Variants in FREM2 observed in about 807,000 individuals in gnomAD.
FREM2 encodes the protein FRAS1 related extracellular matrix 2.
In FREM2, 119 loss-of-function variants were observed where a neutral mutation model predicts 219.9. The observed-to-expected ratio is 0.54, with a 90% CI of 0.47 to 0.63. The LOEUF (loss-of-function observed/expected upper bound fraction) is 0.63. Among genes scored for constraint, FREM2 ranks in the 30% least tolerant of loss-of-function variants. The probability of loss-of-function intolerance (pLI) is 0.00; values close to 1 mark genes in which losing one functional copy is unlikely to be tolerated. For synonymous variants in FREM2, 1,562 were observed against 1,522.8 expected, an observed-to-expected ratio of 1.03 and a Z score of -0.60; for missense variants, 4,030 against 3,993.6, an observed-to-expected ratio of 1.01 and a Z score of -0.25.
chr13:38,705,365 C>A (rs1036596153), intron 2 of FREM2, among the ~76,000 whole-genome samples: 2 of 152,094 alleles, frequency 1.3e-5, no homozygotes, highest in Admixed American at 6.6e-5. Context: ...ACTAGAGGGG[C>A]ATGGACTAGG....
chr13:38,738,996 A>G (rs1872120601), intron 2 of FREM2, among the ~76,000 whole-genome samples: 1 of 152,206 alleles, frequency 6.6e-6, no homozygotes, highest in Non-Finnish European at 1.5e-5. Context: ...TCCTGATTTC[A>G]AAATAGGCAT....
chr13:38,821,630 T>C (rs987087517), intron 6 of FREM2: 1 of 152,126 alleles, frequency 6.6e-6, no homozygotes, highest in African/African-American at 2.4e-5. Context: ...CACACATTTA[T>C]TCATTTAAAA....
At chr13:38,871,611 A>G (rs999843615) in intron 16 of FREM2, among the ~76,000 whole-genome samples, 1 of 152,214 alleles carries the variant, frequency 6.6e-6, no homozygotes, top group African/African-American at 2.4e-5. Context: ...TGTCCGAGCC[A>G]TTCAGGAGGT....
At chr13:38,742,947 A>C (rs909735507) in intron 2 of FREM2, among the ~76,000 whole-genome samples, 12 of 152,242 alleles carry the variant, frequency 7.9e-5, no homozygotes, top group African/African-American at 2.9e-4. Flanking sequence ...GGAATAGTTT[A>C]GGCATTGAAC....
rs779597581 is a variant in FREM2 at position 38,688,787 on chromosome 13, A to G, written c.1443A>G (p.Leu481=). 3 of 1,614,066 alleles carry G rather than the reference A, an allele frequency of 1.9e-6. No homozygotes were observed. The highest frequency in any genetic ancestry group is 2.5e-6 in the Non-Finnish European group (3 of 1,180,030). ...AGGATGACCTAGAAGCAGTGCGGCT[A>G]GAGGTGGTGGCTGGGCTCCGGCATG... ...SDEDDLEAVR[L]EVVAGLRHGH... is the part of the protein sequence containing the mutation. Residue 481 remains leucine (L), a synonymous_variant, in exon 1 of 24, where the codon CTA becomes CTG. Transcript: ENST00000280481.
chr13:38,758,230 C>G (rs1002009248), intron 2 of FREM2, among the ~76,000 whole-genome samples: 1 of 152,150 alleles, frequency 6.6e-6, no homozygotes, highest in Non-Finnish European at 1.5e-5. Context: ...AGTAAATGTC[C>G]TAGTGCCTAC....
At chr13:38,876,976 A>T in intron 20 of FREM2, 141 bp from the exon 21 acceptor site, 1 of 1,007,904 alleles carries the variant, frequency 9.9e-7, no homozygotes, top group Non-Finnish European at 1.6e-6. Flanking sequence ...CAACTCTCTG[A>T]GTTAGCTTGG....
chr13:38,864,427 A>G lies in FREM2; in HGVS notation c.7804A>G (p.Asn2602Asp). The change falls in exon 16 of 24, where the codon AAT (asparagine) becomes GAT (aspartate). Residue 2602 changes from asparagine (N) to aspartate (D), a missense_variant. Coordinates refer to ENST00000280481, the MANE Select transcript of FREM2 (RefSeq NM_207361.6). ...HYGFLTDATK[N>D]PEIIGETYPY... ...TGGTTTCTTGACTGATGCTACCAAA[A>G]ATCCAGAAATAATTGGAGAGACATA... 6.2e-7 allele frequency: 1 copy of G among 1,614,170 alleles called. No homozygotes were observed. The highest frequency in any genetic ancestry group is 1.1e-5 in the South Asian group (1 of 91,076).
chr13:38,827,460 G>A (rs751427606), intron 6 of FREM2: 1 of 152,036 alleles, frequency 6.6e-6, no homozygotes, highest in Non-Finnish European at 1.5e-5. Flanking sequence ...AAACTTGGGA[G>A]GCAGTTGTCA....
At chr13:38,846,830 G>C in intron 7 of FREM2, 108 bp downstream of exon 7, 1 of 1,273,260 alleles carries the variant, frequency 7.9e-7, no homozygotes, top group Non-Finnish European at 1.1e-6. Context: ...GCAGTTGGCT[G>C]GGTATATTGT....
chr13:38,747,867 A>T (rs985440289), intron 2 of FREM2, among the ~76,000 whole-genome samples: 1 of 152,186 alleles, frequency 6.6e-6, no homozygotes, highest in Non-Finnish European at 1.5e-5. Flanking sequence ...CTTTTTCCAA[A>T]ACCCAGCTTA....
At chr13:38,753,952 ATT>A (rs1271398684) in intron 2 of FREM2, among the ~76,000 whole-genome samples, 1 of 133,160 alleles carries the variant, frequency 7.5e-6, no homozygotes. Flanking sequence ...AAATTAACAC[ATT>A]CTTTTTATTT....
chr13:38,783,231 AAAAGATATAAAT>A, intron 5 of FREM2, 36 bp downstream of exon 5: 1 of 1,611,880 alleles, frequency 6.2e-7, no homozygotes, highest in Non-Finnish European at 8.5e-7. Context: ...GATAACCCCC[AAAAGATATAAAT>A]AAGCCTTTTT....
intron 2 of FREM2, among the ~76,000 whole-genome samples, chr13:38,705,544 C>A (rs1014894246): frequency 4.6e-5 from 7 of 152,292 alleles, no homozygotes; most frequent in South Asian, 4.1e-4. Flanking sequence ...ACTGCTTGTG[C>A]CTCTTACCGT....
intron 23 of FREM2, 99 bp from the exon 24 acceptor site, chr13:38,880,185 T>C: frequency 2.4e-6 from 3 of 1,246,588 alleles, no homozygotes; most frequent in Non-Finnish European, 3.5e-6. Flanking sequence ...ACTAAAATCA[T>C]TTATTAATAT....
chr13:38,874,028 T>C (rs1878257766), intron 17 of FREM2, among the ~76,000 whole-genome samples: 1 of 152,218 alleles, frequency 6.6e-6, no homozygotes, highest in Non-Finnish European at 1.5e-5. Flanking sequence ...TCCATCTGAT[T>C]TCTGGAGCCA....
At position 38,689,823 on chromosome 13, in the gene FREM2, A is replaced by G. The variant is rs1593342550; in HGVS notation, c.2479A>G (p.Asn827Asp). Residue 827 changes from asparagine (N) to aspartate (D), a missense_variant, in exon 1 of 24, where the codon AAC becomes GAC. Coordinates refer to ENST00000280481, the MANE Select transcript of FREM2 (RefSeq NM_207361.6). ...TACCCTTTACTTGCATCCCGTGGAC[A>G]ACCAGCCACCTGAGATCCTCAACAC... Reference protein sequence around the residue: ...TFTLYLHPVDNQPPEILNTGF... With the variant: ...TFTLYLHPVDDQPPEILNTGF... 1.2e-6 allele frequency: 2 copies of G among 1,614,124 alleles called. No homozygotes were observed. Among genetic ancestry groups the G allele is most frequent in the Non-Finnish European group, 1.7e-6 (2 of 1,180,012 alleles).
rs374396446 is a variant in FREM2 at position 38,857,506 on chromosome 13, C to CA, written c.7057-368dup. On this transcript the variant is annotated intron_variant, in intron 12 of 23. Transcript: ENST00000280481. Reference sequence around the variant, plus strand: ...TCAGAATGTCCTCCAGCTTTACTCCCACTGTCAAAGAATTGACTCCTTCAT... The same window carrying CA: ...TCAGAATGTCCTCCAGCTTTACTCCCAACTGTCAAAGAATTGACTCCTTCAT... 5.8e-3 allele frequency among the ~76,000 whole-genome samples: 879 copies of CA among 152,278 alleles called. 11 individuals carry two copies. The highest frequency in any genetic ancestry group is 0.019 in the African/African-American group (798 of 41,540).
intron 16 of FREM2, among the ~76,000 whole-genome samples, chr13:38,866,061 T>A (rs985172849): frequency 2.6e-5 from 4 of 152,210 alleles, no homozygotes; most frequent in African/African-American, 9.6e-5. Context: ...CAAAGCTGCC[T>A]TCAATCCATT....
Sources: allele counts gnomAD v4.1 joint callset (sites outside exome capture counted in the v4.1 genomes callset), GRCh38; gene constraint gnomAD v4.1.1; transcripts MANE v1.5; gene names NCBI Gene and HGNC (gene_info 2026-07-23, HGNC 2026-07-21).